ANO4: variants seen among roughly 807,000 people sequenced by gnomAD.
ANO4 encodes anoctamin-4.
A neutral mutation model predicts 141.9 loss-of-function variants in ANO4; 69 were observed. The ratio of observed to expected loss-of-function variants is 0.49; its 90% CI spans 0.40 to 0.59. The LOEUF (loss-of-function observed/expected upper bound fraction) is 0.59, where lower values mean the gene tolerates loss of function less well. Among genes scored for constraint, ANO4 ranks in the 20% least tolerant of loss-of-function variants. ANO4 has a pLI of 0.00. For missense variants in ANO4, 894 were observed against 1,162.2 expected (o/e 0.77, Z 3.36); for synonymous variants, 350 against 394.3 (o/e 0.89, Z 1.33).
At chr12:100,784,890 G>A (rs1440757745) in intron 3 of ANO4, among the ~76,000 whole-genome samples, 1 of 151,612 alleles carries the variant, frequency 6.6e-6, no homozygotes, top group Non-Finnish European at 1.5e-5. Flanking sequence ...CTTAGAACTT[G>A]ACTTTGTTTT....
At chr12:100,832,761 T>G (rs2036695532) in intron 1 of ANO4, among the ~76,000 whole-genome samples, 1 of 152,136 alleles carries the variant, frequency 6.6e-6, no homozygotes, top group South Asian at 2.1e-4. Flanking sequence ...CAATTTTATC[T>G]GAACACAATG....
At chr12:101,060,932 C>T (rs1373778702) in intron 14 of ANO4, among the ~76,000 whole-genome samples, 1 of 152,102 alleles carries the variant, frequency 6.6e-6, no homozygotes, top group Non-Finnish European at 1.5e-5. Flanking sequence ...AGGATGCTAG[C>T]TGGTTGTTTT....
At chr12:100,777,269 CTTTTTTTTTTTTT>C (rs71091463) in intron 3 of ANO4, among the ~76,000 whole-genome samples, 15 of 50,616 alleles carry the variant, frequency 3.0e-4, no homozygotes, top group African/African-American at 1.1e-3. Context: ...ATTTTTGTAT[CTTTTTTTTTTTTT>C]TTTTTTTTTT....
intron 3 of ANO4, among the ~76,000 whole-genome samples, chr12:100,937,206 T>C (rs75681303): frequency 0.039 from 5,885 of 152,292 alleles, 157 homozygotes; most frequent in Non-Finnish European, 0.056. Flanking sequence ...TTAACAAATA[T>C]GTGTTGAAGG....
rs181276295 is a variant in ANO4 at position 100,828,076 on chromosome 12, C to T, written c.-141+33049C>T. Reference sequence around the variant, plus strand: ...AAAATTTTTTTTTGATTAATGTGCACCAGCCACTAGGGGATGCTAGACACT... The same window carrying T: ...AAAATTTTTTTTTGATTAATGTGCATCAGCCACTAGGGGATGCTAGACACT... On this transcript the variant is annotated intron_variant, in intron 1 of 27. Transcript: ENST00000392977. 1.3e-3 allele frequency among the ~76,000 whole-genome samples: 192 copies of T among 152,026 alleles called. 1 individual carries two copies. The highest frequency in any genetic ancestry group is 4.0e-3 in the Admixed American group (61 of 15,270).
At chr12:100,904,376 GA>G (rs2040740372) in intron 2 of ANO4, among the ~76,000 whole-genome samples, 1 of 91,576 alleles carries the variant, frequency 1.1e-5, no homozygotes, top group African/African-American at 4.6e-5. Context: ...AGTGTTTAGG[GA>G]AAGGATAAGT....
intron 2 of ANO4, among the ~76,000 whole-genome samples, chr12:100,914,418 G>A (rs7969668): frequency 0.02 from 3,068 of 152,318 alleles, 113 homozygotes; most frequent in African/African-American, 0.07. Flanking sequence ...ACTAGTGTGA[G>A]TGAATCAATA....
intron 9 of ANO4, among the ~76,000 whole-genome samples, chr12:101,025,608 G>T (rs935566130): frequency 6.6e-6 from 1 of 152,194 alleles, no homozygotes; most frequent in African/African-American, 2.4e-5. Context: ...TTTCCAGTAA[G>T]ACTGGAACAC....
intron 5 of ANO4, among the ~76,000 whole-genome samples, chr12:100,948,344 T>G (rs939210834): frequency 6.6e-6 from 1 of 151,956 alleles, no homozygotes; most frequent in Admixed American, 6.6e-5. Context: ...ACAAGCTGAG[T>G]GGTCATGGGC....
At chr12:100,973,661 T>G (rs1305542825) in intron 6 of ANO4, among the ~76,000 whole-genome samples, 2 of 152,214 alleles carry the variant, frequency 1.3e-5, no homozygotes, top group Non-Finnish European at 2.9e-5. Context: ...ACATTTTGCA[T>G]TAGCGTGATA....
At position 100,992,324 on chromosome 12, in the gene ANO4, T is replaced by C. The variant is rs377132708; in HGVS notation, c.734+4654T>C. Among the ~76,000 whole-genome samples, 73 of 152,328 alleles carry C rather than the reference T, an allele frequency of 4.8e-4. 1 individual carries two copies. The South Asian group carries it at 0.015, about 32-fold the overall frequency. ...ATCCCCTCTCCAGCCTCATCTGCCT[T>C]TCTTGCCTCCCACTCTTCATTTGTT... On this transcript the variant is annotated intron_variant, in intron 8 of 27. Transcript: ENST00000392977.
At chr12:100,907,946 A>G (rs549428110) in intron 2 of ANO4, among the ~76,000 whole-genome samples, 26 of 152,320 alleles carry the variant, frequency 1.7e-4, no homozygotes, top group South Asian at 1.0e-3. Flanking sequence ...TCCTGTGTTG[A>G]TATTACTATA....
intron 3 of ANO4, among the ~76,000 whole-genome samples, chr12:100,743,072 C>G (rs896400024): frequency 6.6e-6 from 1 of 151,350 alleles, no homozygotes; most frequent in Non-Finnish European, 1.5e-5. Context: ...GTGATAAGTC[C>G]TTGGGAGAGA....
chr12:100,836,096 A>G (rs1167168086), intron 1 of ANO4, among the ~76,000 whole-genome samples: 1 of 152,158 alleles, frequency 6.6e-6, no homozygotes, highest in African/African-American at 2.4e-5. Flanking sequence ...TGCTAAACTA[A>G]TATTTATTAG....
At chr12:100,860,897 C>T (rs536718213) in intron 1 of ANO4, among the ~76,000 whole-genome samples, 11 of 152,304 alleles carry the variant, frequency 7.2e-5, no homozygotes, top group Admixed American at 4.6e-4. Context: ...TTTGTGTTCT[C>T]GCTGACTTCA....
At chr12:100,872,716 G>A (rs2039093295) in intron 1 of ANO4, among the ~76,000 whole-genome samples, 1 of 152,128 alleles carries the variant, frequency 6.6e-6, no homozygotes, top group Non-Finnish European at 1.5e-5. Flanking sequence ...GGACATGTTG[G>A]CCATCTGAAA....
chr12:100,923,015 C>T (rs985503573), intron 3 of ANO4, among the ~76,000 whole-genome samples: 1 of 152,098 alleles, frequency 6.6e-6, no homozygotes, highest in Admixed American at 6.6e-5. Flanking sequence ...GATGATGAAG[C>T]TCCTCTTAAT....
intron 1 of ANO4, among the ~76,000 whole-genome samples, chr12:100,723,164 A>AT (rs1190503767): frequency 2.0e-5 from 3 of 152,174 alleles, no homozygotes; most frequent in African/African-American, 7.2e-5. Flanking sequence ...AAATTAAAAA[A>AT]TTTTTTTGAT....
rs188160541 is a variant in ANO4 at position 100,919,125 on chromosome 12, T to A, written c.56-3101T>A. On this transcript the variant is annotated intron_variant, in intron 2 of 27. Coordinates refer to ENST00000392977, the MANE Select transcript of ANO4 (RefSeq NM_001286615.2). ...AAATGTGTTTTTGTTTTAGGCTTAG[T>A]GTTATCACAAAACAGTCAAAAGTTA... Among the ~76,000 whole-genome samples the A allele has an allele frequency of 1.9e-3, 288 of 152,134 alleles. 1 individual carries two copies. The highest frequency in any genetic ancestry group is 6.5e-3 in the African/African-American group (270 of 41,436).
Sources: gnomAD v4.1 joint callset for allele counts (sites outside exome capture counted in the v4.1 genomes callset) on GRCh38, gnomAD v4.1.1 for gene constraint, MANE v1.5 for transcripts, NCBI Gene and HGNC (gene_info 2026-07-23, HGNC 2026-07-21) for gene names.